IGFBP7: variants seen among roughly 807,000 people sequenced by gnomAD.
IGFBP7 encodes insulin-like growth factor-binding protein 7.
A neutral mutation model predicts 29.4 loss-of-function variants in IGFBP7; 31 were observed. The observed-to-expected ratio is 1.05, with a 90% confidence interval of 0.79 to 1.42. The LOEUF is 1.42. Ranked by LOEUF, IGFBP7 falls within the 40% of genes most tolerant of loss-of-function variation. The pLI is 0.00. For synonymous variants in IGFBP7, 172 were observed against 174.9 expected (o/e 0.98, Z 0.13); for missense variants, 393 against 395.5 (o/e 0.99, Z 0.05).
At chr4:57,043,077 T>G (rs978159125) in intron 1 of IGFBP7, among the ~76,000 whole-genome samples, 3 of 152,218 alleles carry the variant, frequency 2.0e-5, no homozygotes, top group Admixed American at 2.0e-4. Context: ...CTTCCCGGCA[T>G]CTGCAATAGA....
At chr4:57,042,711 A>T (rs1724260818) in intron 1 of IGFBP7, among the ~76,000 whole-genome samples, 1 of 152,262 alleles carries the variant, frequency 6.6e-6, no homozygotes, top group Non-Finnish European at 1.5e-5. Flanking sequence ...GAAAATTGTA[A>T]AGGAAATGTC....
At chr4:57,038,954 T>G (rs183889437) in intron 2 of IGFBP7, among the ~76,000 whole-genome samples, 1 of 150,200 alleles carries the variant, frequency 6.7e-6, no homozygotes, top group Admixed American at 6.7e-5. Flanking sequence ...TAATCCCAAC[T>G]ACTTGAGAGA....
intron 1 of IGFBP7, among the ~76,000 whole-genome samples, chr4:57,074,649 C>T (rs371235142): frequency 3.2e-4 from 49 of 152,324 alleles, no homozygotes; most frequent in African/African-American, 1.2e-3. Flanking sequence ...ATAGCATCCT[C>T]TGCCTCTGTC....
chr4:57,084,552 T>A (rs1482291259), intron 1 of IGFBP7, among the ~76,000 whole-genome samples: 1 of 152,128 alleles, frequency 6.6e-6, no homozygotes, highest in Non-Finnish European at 1.5e-5. Flanking sequence ...ACCTCCTCCA[T>A]GAAGCCCTCC....
chr4:57,074,732 A>G (rs147864196), intron 1 of IGFBP7, among the ~76,000 whole-genome samples: 1 of 152,344 alleles, frequency 6.6e-6, no homozygotes, highest in African/African-American at 2.4e-5. Flanking sequence ...AAGTCTTTCA[A>G]TTAAAAGAAA....
At chr4:57,070,714 A>T (rs1028094804) in intron 1 of IGFBP7, among the ~76,000 whole-genome samples, 8 of 152,250 alleles carry the variant, frequency 5.3e-5, no homozygotes, top group Non-Finnish European at 1.2e-4. Context: ...AGGTTCAATA[A>T]GAAGACCTTT....
chr4:57,092,111 C>T (rs756531715), intron 1 of IGFBP7, among the ~76,000 whole-genome samples: 2 of 152,094 alleles, frequency 1.3e-5, no homozygotes, highest in Admixed American at 1.3e-4. Context: ...AAAGACAAAA[C>T]CTCCAAATTT....
At chr4:57,101,801 G>A (rs1422112600) in intron 1 of IGFBP7, among the ~76,000 whole-genome samples, 1 of 151,758 alleles carries the variant, frequency 6.6e-6, no homozygotes, top group Non-Finnish European at 1.5e-5. Context: ...TGACAGGCTG[G>A]GGGAAGCTTC....
intron 1 of IGFBP7, among the ~76,000 whole-genome samples, chr4:57,103,447 T>G (rs1011202834): frequency 1.3e-5 from 2 of 152,176 alleles, no homozygotes; most frequent in African/African-American, 4.8e-5. Context: ...GGCTATGCTC[T>G]GGTTATCTCC....
chr4:57,049,851 A>G (rs1724460571), intron 1 of IGFBP7, among the ~76,000 whole-genome samples: 1 of 152,206 alleles, frequency 6.6e-6, no homozygotes, highest in African/African-American at 2.4e-5. Flanking sequence ...TCAGAACAAC[A>G]TAACATGATT....
At chr4:57,080,448 AG>A (rs1171779905) in intron 1 of IGFBP7, among the ~76,000 whole-genome samples, 1 of 152,202 alleles carries the variant, frequency 6.6e-6, no homozygotes, top group African/African-American at 2.4e-5. Flanking sequence ...AGACACACGA[AG>A]GGTTTTCCTA....
chr4:57,075,976 G>A (rs907524577), intron 1 of IGFBP7, among the ~76,000 whole-genome samples: 2 of 152,126 alleles, frequency 1.3e-5, no homozygotes, highest in South Asian at 2.1e-4. Context: ...TAAAAATCTC[G>A]AATACCAAGG....
At chr4:57,042,104 A>G (rs1277275) in intron 1 of IGFBP7, among the ~76,000 whole-genome samples, 146,332 of 152,226 alleles carry the variant, frequency 0.96, 70,386 homozygotes, top group Non-Finnish European at 0.98. Context: ...AGAGGCCAGA[A>G]TGATGCTTCT....
At chr4:57,038,386 A>C (rs1724134875) in intron 2 of IGFBP7, among the ~76,000 whole-genome samples, 1 of 152,194 alleles carries the variant, frequency 6.6e-6, no homozygotes, top group African/African-American at 2.4e-5. Flanking sequence ...TTGAGAGCAA[A>C]GAGTCAAGAG....
chr4:57,031,325 C>T lies in IGFBP7; in HGVS notation c.841G>A (p.Glu281Lys), dbSNP rs140470135. The T allele has an allele frequency of 2.0e-4, 325 of 1,602,136 alleles. 2 individuals are homozygous for T. Among genetic ancestry groups the T allele is most frequent in the Middle Eastern group, 1.2e-3 (7 of 6,048 alleles). ...AATAATATTCTGGAGGTTTATAGCT[C>T]GGCACCTTCACCTGTTTAAAAAAAA... ...EIPVKKGEGA[E>K]L The change falls in exon 5 of 5, where the codon GAG becomes AAG. Residue 281 changes from glutamate to lysine, a missense_variant. Glu to Lys is a moderately conservative substitution (Grantham distance 56, BLOSUM62 1). Coordinates refer to ENST00000295666, the MANE Select transcript of IGFBP7 (RefSeq NM_001553.3).
At chr4:57,090,235 C>T (rs373842468) in intron 1 of IGFBP7, among the ~76,000 whole-genome samples, 20 of 152,318 alleles carry the variant, frequency 1.3e-4, no homozygotes, top group African/African-American at 4.8e-4. Flanking sequence ...CAGAAAACTG[C>T]CGTCAACTGT....
At chr4:57,060,737 G>C (rs1015166277) in intron 1 of IGFBP7, among the ~76,000 whole-genome samples, 1 of 152,056 alleles carries the variant, frequency 6.6e-6, no homozygotes. Flanking sequence ...GGGCAATATA[G>C]TGAGACCTCA....
At position 57,069,758 on chromosome 4, in the gene IGFBP7, T is replaced by A. The variant is rs183583559; in HGVS notation, c.476-28825A>T. On this transcript the variant is annotated intron_variant, in intron 1 of 4. Transcript: ENST00000295666. ...AAACTTCTCATTATTGAGATTTCTA[T>A]CTTTCTAGGCTGTTTATGGTCTCTC... Among the ~76,000 whole-genome samples, 601 of 152,262 alleles carry A rather than the reference T, an allele frequency of 3.9e-3. 3 individuals are homozygous for A. Among genetic ancestry groups the A allele is most frequent in the Non-Finnish European group, 6.2e-3 (419 of 68,024 alleles).
chr4:57,109,844 C>G, intron 1 of IGFBP7, 33 bp downstream of exon 1: 1 of 1,529,176 alleles, frequency 6.5e-7, no homozygotes, highest in Non-Finnish European at 8.7e-7. Flanking sequence ...GGCCGAGCGG[C>G]GCAGGGTTGG....
Sources: gnomAD v4.1 joint callset for allele counts (sites outside exome capture counted in the v4.1 genomes callset) on GRCh38, gnomAD v4.1.1 for gene constraint, MANE v1.5 for transcripts, NCBI Gene and HGNC (gene_info 2026-07-23, HGNC 2026-07-21) for gene names.